The following AMPH variants were observed in gnomAD, a reference collection of about 807,000 sequenced individuals.
AMPH encodes the protein amphiphysin (Stiff-Mann syndrome with breast cancer 128kD autoantigen).
In AMPH, 49 loss-of-function variants were observed where a neutral mutation model predicts 99.1. The observed-to-expected ratio is 0.49, with a 90% confidence interval of 0.39 to 0.63. The LOEUF is 0.63. Ranked by LOEUF, AMPH falls within the 20% of genes least tolerant of loss-of-function variation. AMPH has a pLI of 0.00. For missense variants in AMPH, 759 were observed against 863.4 expected, an observed-to-expected ratio of 0.88 and a Z score of 1.52; for synonymous variants, 314 against 317.3, an observed-to-expected ratio of 0.99 and a Z score of 0.11.
rs531505042 is a variant in AMPH at position 38,402,082 on chromosome 7, C to A, written c.1399-7868G>T. 1.2e-3 allele frequency among the ~76,000 whole-genome samples: 182 copies of A among 152,276 alleles called. 1 individual carries two copies. The Middle Eastern group carries it at 0.014, about 11-fold the overall frequency. On this transcript the variant is annotated intron_variant, in intron 17 of 20. Coordinates refer to ENST00000356264, the MANE Select transcript of AMPH (RefSeq NM_001635.4). ...GTTGCTTCTCGTCTTTACCACATCT[C>A]ATGCAAATTTTAATTCTAATATTAC...
intron 17 of AMPH, among the ~76,000 whole-genome samples, chr7:38,412,234 G>A (rs904580899): frequency 2.0e-5 from 3 of 152,170 alleles, no homozygotes; most frequent in South Asian, 4.1e-4. Flanking sequence ...TTTATTTTAT[G>A]TGAATTTCAC....
At chr7:38,551,556 C>T (rs1335831701) in intron 1 of AMPH, among the ~76,000 whole-genome samples, 1 of 152,116 alleles carries the variant, frequency 6.6e-6, no homozygotes, top group Non-Finnish European at 1.5e-5. Context: ...CGAAAAGTGG[C>T]CAGTATTAGA....
chr7:38,438,665 T>C (rs181522293), intron 11 of AMPH, among the ~76,000 whole-genome samples: 1 of 152,316 alleles, frequency 6.6e-6, no homozygotes, highest in Non-Finnish European at 1.5e-5. Context: ...TGGGCTATGC[T>C]CAGACTTTGA....
chr7:38,578,687 T>G (rs985455574), intron 1 of AMPH, among the ~76,000 whole-genome samples: 4 of 152,274 alleles, frequency 2.6e-5, no homozygotes, highest in East Asian at 1.9e-4. Context: ...GAGGATCACT[T>G]AAGCCCAGGA....
intron 11 of AMPH, among the ~76,000 whole-genome samples, chr7:38,445,010 T>C (rs2018639): frequency 0.28 from 35,661 of 125,536 alleles, 5,930 homozygotes; most frequent in East Asian, 0.64. Flanking sequence ...TATATATATA[T>C]ACACACACAC....
chr7:38,567,275 A>T (rs1791779530), intron 1 of AMPH, among the ~76,000 whole-genome samples: 2 of 152,218 alleles, frequency 1.3e-5, no homozygotes, highest in South Asian at 4.1e-4. Context: ...CATTCTCAGC[A>T]AACTATCACA....
At chr7:38,581,115 A>G (rs1469768158) in intron 1 of AMPH, among the ~76,000 whole-genome samples, 1 of 152,226 alleles carries the variant, frequency 6.6e-6, no homozygotes, top group Non-Finnish European at 1.5e-5. Flanking sequence ...AACAGACAAA[A>G]GAAATGGCTG....
rs370298201 is a variant in AMPH at position 38,385,158 on chromosome 7, G to A, written c.1981-233C>T. Reference sequence around the variant, plus strand: ...AAACATTTGCAATGACTTATTGACTGTATAAAGTATAGCTAATGCTTTGTA... The same window carrying A: ...AAACATTTGCAATGACTTATTGACTATATAAAGTATAGCTAATGCTTTGTA... On this transcript the variant is annotated intron_variant, in intron 20 of 20. Transcript: ENST00000356264. Among the ~76,000 whole-genome samples, 14 of 152,076 alleles carry A rather than the reference G, an allele frequency of 9.2e-5. No homozygotes were observed. In the East Asian group the frequency reaches 2.1e-3, roughly 23 times the overall value.
intron 17 of AMPH, among the ~76,000 whole-genome samples, chr7:38,406,824 G>C (rs1785023470): frequency 7.2e-6 from 1 of 139,742 alleles, no homozygotes; most frequent in African/African-American, 2.7e-5. Flanking sequence ...TCAAGGTTTT[G>C]GGACTTAACA....
intron 1 of AMPH, among the ~76,000 whole-genome samples, chr7:38,620,548 TACACACACACACACACACACAC>T (rs201765719): frequency 1.5e-5 from 2 of 133,100 alleles, no homozygotes; most frequent in African/African-American, 2.9e-5. Context: ...TATACATACA[TACACACACACACACACACACAC>T]ACACACACAC....
At chr7:38,451,110 C>A (rs1786997257) in intron 11 of AMPH, among the ~76,000 whole-genome samples, 1 of 148,806 alleles carries the variant, frequency 6.7e-6, no homozygotes, top group Non-Finnish European at 1.5e-5. Flanking sequence ...CTAGACTGGT[C>A]CCAAACACCT....
At chr7:38,524,272 T>G (rs1369903503) in intron 2 of AMPH, among the ~76,000 whole-genome samples, 2 of 152,160 alleles carry the variant, frequency 1.3e-5, no homozygotes, top group African/African-American at 4.8e-5. Flanking sequence ...AAGAAAACAC[T>G]GAAACACTCT....
chr7:38,504,398 C>T (rs182167771), intron 2 of AMPH, among the ~76,000 whole-genome samples: 3 of 152,108 alleles, frequency 2.0e-5, no homozygotes, highest in East Asian at 3.9e-4. Context: ...TTAGAAACTC[C>T]GAGACTCTCT....
intron 5 of AMPH, among the ~76,000 whole-genome samples, chr7:38,479,140 A>G (rs1300675035): frequency 6.6e-6 from 1 of 152,112 alleles, no homozygotes; most frequent in African/African-American, 2.4e-5. Flanking sequence ...AAGGAAAAAT[A>G]CCAAACAATA....
At chr7:38,591,717 G>T (rs56377601) in intron 1 of AMPH, among the ~76,000 whole-genome samples, 43,025 of 152,016 alleles carry the variant, frequency 0.28, 6,494 homozygotes, top group Non-Finnish European at 0.34. Flanking sequence ...ACCAAACTGC[G>T]GACAAGCCTA....
At chr7:38,530,487 C>G (rs1403577077) in intron 2 of AMPH, among the ~76,000 whole-genome samples, 3 of 152,210 alleles carry the variant, frequency 2.0e-5, no homozygotes, top group Admixed American at 2.0e-4. Context: ...AAGGCTCTCT[C>G]TCCTTTATTT....
At chr7:38,447,072 T>C (rs928453364) in intron 11 of AMPH, among the ~76,000 whole-genome samples, 1 of 151,980 alleles carries the variant, frequency 6.6e-6, no homozygotes, top group African/African-American at 2.4e-5. Context: ...CAGGTTGGAG[T>C]GCAATGGCAC....
At chr7:38,403,252 C>T (rs1341739420) in intron 17 of AMPH, among the ~76,000 whole-genome samples, 1 of 152,206 alleles carries the variant, frequency 6.6e-6, no homozygotes, top group African/African-American at 2.4e-5. Flanking sequence ...GAGACTGACT[C>T]TTAAGGAACT....
At chr7:38,630,047 C>A (rs1168974513) in intron 1 of AMPH, among the ~76,000 whole-genome samples, 1 of 152,126 alleles carries the variant, frequency 6.6e-6, no homozygotes, top group Non-Finnish European at 1.5e-5. Context: ...CATGGTCAGC[C>A]GGAACTGGGA....
Sources: gnomAD v4.1 joint callset for allele counts (sites outside exome capture counted in the v4.1 genomes callset) on GRCh38, gnomAD v4.1.1 for gene constraint, MANE v1.5 for transcripts, NCBI Gene and HGNC (gene_info 2026-07-23, HGNC 2026-07-21) for gene names.